SSH2: variants seen among roughly 807,000 people sequenced by gnomAD.
SSH2 encodes the protein slingshot protein phosphatase 2.
Under a neutral mutation model 135.2 loss-of-function variants are expected in SSH2, and 37 were observed. That is an observed-to-expected ratio of 0.27 (90% confidence interval 0.21 to 0.36). The LOEUF is 0.36. Ranked by LOEUF, SSH2 falls within the 10% of genes least tolerant of loss-of-function variation. SSH2 has a pLI of 1.00. For missense variants in SSH2, 1,408 were observed against 1,765.3 expected (o/e 0.80, Z 3.63); for synonymous variants, 628 against 646.2 (o/e 0.97, Z 0.43).
At chr17:29,753,565 G>A (rs2041017139) in intron 3 of SSH2, among the ~76,000 whole-genome samples, 1 of 151,836 alleles carries the variant, frequency 6.6e-6, no homozygotes, top group Admixed American at 6.6e-5. Flanking sequence ...GGGAGGCCGA[G>A]GCAGGTGGAT....
intron 3 of SSH2, among the ~76,000 whole-genome samples, chr17:29,779,460 C>G (rs1209508197): frequency 6.6e-6 from 1 of 152,100 alleles, no homozygotes; most frequent in African/African-American, 2.4e-5. Flanking sequence ...CATTTATAAA[C>G]GGCAGATAGT....
intron 11 of SSH2, among the ~76,000 whole-genome samples, chr17:29,661,137 A>G (rs560822645): frequency 6.6e-6 from 1 of 151,784 alleles, no homozygotes; most frequent in African/African-American, 2.4e-5. Flanking sequence ...TCTCATCCAT[A>G]GCACTTGGGC....
chr17:29,860,832 A>G (rs2151405876), intron 1 of SSH2, among the ~76,000 whole-genome samples: 2 of 150,228 alleles, frequency 1.3e-5, no homozygotes, highest in South Asian at 4.2e-4. Flanking sequence ...TGCAACATAC[A>G]CCTCCCAGGT....
At chr17:29,722,213 G>T (rs574531137) in intron 3 of SSH2, among the ~76,000 whole-genome samples, 79 of 150,770 alleles carry the variant, frequency 5.2e-4, no homozygotes, top group Non-Finnish European at 8.7e-4. Flanking sequence ...GGTGGAGGTT[G>T]TAGTGAGCCG....
chr17:29,639,652 A>G (rs2036064797), intron 14 of SSH2: 3 of 151,888 alleles, frequency 2.0e-5, no homozygotes, highest in Admixed American at 2.0e-4. Flanking sequence ...TCAGCTGGGT[A>G]TAAGATGGGG....
At chr17:29,843,448 T>G (rs1300217464) in intron 2 of SSH2, among the ~76,000 whole-genome samples, 3 of 151,844 alleles carry the variant, frequency 2.0e-5, no homozygotes, top group South Asian at 2.1e-4. Context: ...TCCCAGCTAC[T>G]CAAGAGACTG....
chr17:29,785,025 C>A (rs1427291005), intron 3 of SSH2, among the ~76,000 whole-genome samples: 3 of 151,836 alleles, frequency 2.0e-5, no homozygotes, highest in Non-Finnish European at 2.9e-5. Flanking sequence ...TTATAAAGAC[C>A]AAATTTTCAA....
At chr17:29,851,675 A>G (rs1045922182) in intron 1 of SSH2, among the ~76,000 whole-genome samples, 2 of 152,114 alleles carry the variant, frequency 1.3e-5, no homozygotes, top group African/African-American at 4.8e-5. Flanking sequence ...CCTGGGCAAC[A>G]TAGTAAGACC....
intron 3 of SSH2, among the ~76,000 whole-genome samples, chr17:29,715,930 C>T (rs2039607525): frequency 6.6e-6 from 1 of 152,146 alleles, no homozygotes; most frequent in Non-Finnish European, 1.5e-5. Flanking sequence ...TTATTCCAAA[C>T]CCTCTCTACT....
chr17:29,859,929 C>T (rs756113071), intron 1 of SSH2, among the ~76,000 whole-genome samples: 27 of 152,148 alleles, frequency 1.8e-4, no homozygotes, highest in Admixed American at 2.6e-4. Context: ...TCACTGCAAC[C>T]TCCACCTCCT....
chr17:29,669,185 G>A (rs948160961), intron 9 of SSH2, among the ~76,000 whole-genome samples: 3 of 152,034 alleles, frequency 2.0e-5, no homozygotes, highest in African/African-American at 7.3e-5. Flanking sequence ...GGAGGTGGAG[G>A]TTGCAGTGAG....
intron 1 of SSH2, among the ~76,000 whole-genome samples, chr17:29,909,979 T>A (rs939513063): frequency 6.6e-6 from 1 of 152,212 alleles, no homozygotes; most frequent in African/African-American, 2.4e-5. Flanking sequence ...GGGGTCTCAC[T>A]CTGTCACCTA....
intron 1 of SSH2, among the ~76,000 whole-genome samples, chr17:29,849,624 T>C (rs977359692): frequency 5.3e-5 from 8 of 151,814 alleles, no homozygotes; most frequent in East Asian, 1.9e-4. Context: ...AGATAGGCTA[T>C]AGAATATAGC....
At chr17:29,813,358 C>A (rs1443575778) in intron 2 of SSH2, among the ~76,000 whole-genome samples, 1 of 151,802 alleles carries the variant, frequency 6.6e-6, no homozygotes, top group African/African-American at 2.4e-5. Flanking sequence ...GCACTCCAGA[C>A]TGGGTGAGTG....
chr17:29,872,101 T>C (rs1462049808), intron 1 of SSH2, among the ~76,000 whole-genome samples: 4 of 152,228 alleles, frequency 2.6e-5, no homozygotes, highest in Non-Finnish European at 5.9e-5. Flanking sequence ...GACATTATGA[T>C]TGCTCTTTGT....
intron 1 of SSH2, among the ~76,000 whole-genome samples, chr17:29,851,040 T>C (rs1467069326): frequency 1.3e-5 from 2 of 152,186 alleles, no homozygotes; most frequent in Admixed American, 1.3e-4. Flanking sequence ...ATGTAAAGTC[T>C]TTTTAATTCT....
chr17:29,635,656 C>T (rs2035884543), intron 15 of SSH2, among the ~76,000 whole-genome samples: 1 of 152,098 alleles, frequency 6.6e-6, no homozygotes. Context: ...GATCCGCCCG[C>T]CTTGGCCTCC....
At chr17:29,752,712 A>G (rs980582048) in intron 3 of SSH2, among the ~76,000 whole-genome samples, 2 of 152,106 alleles carry the variant, frequency 1.3e-5, no homozygotes, top group African/African-American at 4.8e-5. Flanking sequence ...TATGGGACGC[A>G]AAGTTAAAAG....
At chr17:29,847,959 C>A (rs191508773) in intron 2 of SSH2, among the ~76,000 whole-genome samples, 2 of 152,258 alleles carry the variant, frequency 1.3e-5, no homozygotes, top group Admixed American at 1.3e-4. Context: ...GCCAAGAGCC[C>A]ACACGTTGCA....
Sources: gnomAD v4.1 joint callset for allele counts (sites outside exome capture counted in the v4.1 genomes callset) on GRCh38, gnomAD v4.1.1 for gene constraint, MANE v1.5 for transcripts, NCBI Gene and HGNC (gene_info 2026-07-23, HGNC 2026-07-21) for gene names.